ATF7IP: variants seen among roughly 807,000 people sequenced by gnomAD.
The protein encoded by ATF7IP is activating transcription factor 7 interacting protein.
ATF7IP carries 23 observed loss-of-function variants against 106.4 expected under a neutral mutation model. That is an observed-to-expected ratio of 0.22 (90% confidence interval 0.16 to 0.31). The LOEUF (loss-of-function observed/expected upper bound fraction) is 0.31, where lower values mean the gene tolerates loss of function less well. Ranked by LOEUF, ATF7IP falls within the 10% of genes least tolerant of loss-of-function variation. ATF7IP has a pLI of 1.00. For synonymous variants in ATF7IP, 542 were observed against 539.0 expected (o/e 1.01, Z -0.08); for missense variants, 1,334 against 1,524.3 (o/e 0.88, Z 2.08).
chr12:14,455,076 G>A (rs1344342601), intron 6 of ATF7IP, among the ~76,000 whole-genome samples: 1 of 151,864 alleles, frequency 6.6e-6, no homozygotes, highest in Non-Finnish European at 1.5e-5. Flanking sequence ...CTACTCAGAG[G>A]CTGAGGCAGG....
At chr12:14,490,795 C>G (rs1340416004) in intron 13 of ATF7IP, among the ~76,000 whole-genome samples, 1 of 152,136 alleles carries the variant, frequency 6.6e-6, no homozygotes, top group Non-Finnish European at 1.5e-5. Flanking sequence ...CGCACCTGCT[C>G]GAACCCAATC....
At chr12:14,380,880 A>C (rs913003524) in intron 1 of ATF7IP, among the ~76,000 whole-genome samples, 11 of 152,176 alleles carry the variant, frequency 7.2e-5, no homozygotes, top group Non-Finnish European at 1.5e-4. Flanking sequence ...TTGGCCTCCC[A>C]AAGTGCTGGG....
intron 2 of ATF7IP, among the ~76,000 whole-genome samples, chr12:14,433,529 A>T (rs991640485): frequency 1.1e-4 from 17 of 151,652 alleles, no homozygotes; most frequent in Non-Finnish European, 1.9e-4. Flanking sequence ...AATTAGCCGG[A>T]TGTAGTGGCG....
chr12:14,389,890 C>T (rs1463447610), intron 1 of ATF7IP, among the ~76,000 whole-genome samples: 1 of 152,216 alleles, frequency 6.6e-6, no homozygotes, highest in Non-Finnish European at 1.5e-5. Context: ...TCCCAAAGTG[C>T]TGGGATTACA....
chr12:14,473,525 T>C (rs1944140385), intron 10 of ATF7IP, among the ~76,000 whole-genome samples: 1 of 151,610 alleles, frequency 6.6e-6, no homozygotes, highest in African/African-American at 2.4e-5. Context: ...TCTAAATATA[T>C]TGTTTTTAAT....
intron 1 of ATF7IP, among the ~76,000 whole-genome samples, chr12:14,389,044 A>G (rs921360590): frequency 6.6e-6 from 1 of 152,232 alleles, no homozygotes; most frequent in Non-Finnish European, 1.5e-5. Flanking sequence ...ATGTTTCAGA[A>G]TAGTATCTTG....
At chr12:14,372,968 G>T (rs1368214787) in intron 1 of ATF7IP, among the ~76,000 whole-genome samples, 1 of 152,156 alleles carries the variant, frequency 6.6e-6, no homozygotes, top group East Asian at 1.9e-4. Context: ...AATTCTCAGT[G>T]ATAATGCCTA....
At chr12:14,476,200 T>C in intron 11 of ATF7IP, 2 of 382,962 alleles carry the variant, frequency 5.2e-6, no homozygotes, top group South Asian at 6.3e-5. Flanking sequence ...AGGCAAGAGG[T>C]CAGGAGTTTG....
At chr12:14,469,886 C>T (rs974981647) in intron 10 of ATF7IP, among the ~76,000 whole-genome samples, 10 of 152,192 alleles carry the variant, frequency 6.6e-5, no homozygotes, top group Non-Finnish European at 1.2e-4. Context: ...ACCTTAGAGA[C>T]ATGTGCCAAG....
At chr12:14,453,770 G>A (rs1238907969) in intron 6 of ATF7IP, among the ~76,000 whole-genome samples, 1 of 151,854 alleles carries the variant, frequency 6.6e-6, no homozygotes, top group East Asian at 1.9e-4. Flanking sequence ...GGTTACAGGT[G>A]CCCACCATCA....
rs370905234 is a variant in ATF7IP, at chr12:14,424,549, G to A, written c.634G>A (p.Gly212Ser). The A allele has an allele frequency of 6.8e-6, 11 of 1,614,056 alleles. No individual in the cohort carries two copies. Among genetic ancestry groups the A allele is most frequent in the Non-Finnish European group, 9.3e-6 (11 of 1,180,038 alleles). ...GDPTSSDPIP[G>S]EPVPVEPISG... ...TCCCACCTCTAGTGATCCCATCCCAGGTGAACCGGTCCCTGTTGAACCCAT... is the reference window on the plus strand; with the variant it reads ...TCCCACCTCTAGTGATCCCATCCCAAGTGAACCGGTCCCTGTTGAACCCAT... The change falls in exon 2 of 15, where the codon GGT becomes AGT. Residue 212 changes from glycine to serine, a missense_variant. Physicochemically the swap from Gly to Ser is moderately conservative, Grantham distance 56. This residue lies in a region of ATF7IP where 438 missense variants were observed against 405.3 expected (regional missense o/e 1.08). Transcript: ENST00000261168.
At chr12:14,389,690 C>T (rs1210419496) in intron 1 of ATF7IP, among the ~76,000 whole-genome samples, 2 of 152,058 alleles carry the variant, frequency 1.3e-5, no homozygotes, top group Non-Finnish European at 2.9e-5. Context: ...TGCAATGGCG[C>T]GATCTCGGCT....
intron 3 of ATF7IP, among the ~76,000 whole-genome samples, 171 bp downstream of exon 3, chr12:14,434,594 T>G (rs1942310632): frequency 6.6e-6 from 1 of 152,256 alleles, no homozygotes; most frequent in African/African-American, 2.4e-5. Flanking sequence ...AAAGTATGTT[T>G]CATACACTTC....
intron 1 of ATF7IP, among the ~76,000 whole-genome samples, chr12:14,387,702 C>T (rs1473839571): frequency 6.6e-6 from 1 of 152,102 alleles, no homozygotes; most frequent in African/African-American, 2.4e-5. Flanking sequence ...GAGATGATTG[C>T]TTTTGGGATT....
intron 1 of ATF7IP, among the ~76,000 whole-genome samples, chr12:14,396,576 T>C (rs1410438129): frequency 6.6e-6 from 1 of 152,006 alleles, no homozygotes; most frequent in Non-Finnish European, 1.5e-5. Context: ...GTGTTTGAGG[T>C]TGGATGAGGA....
At chr12:14,413,004 A>G (rs1018173950) in intron 1 of ATF7IP, among the ~76,000 whole-genome samples, 7 of 152,204 alleles carry the variant, frequency 4.6e-5, no homozygotes, top group African/African-American at 1.7e-4. Flanking sequence ...ACAGAGAGGG[A>G]CCATGTCTCA....
At chr12:14,442,127 T>C (rs115521015) in intron 5 of ATF7IP, among the ~76,000 whole-genome samples, 1,929 of 152,314 alleles carry the variant, frequency 0.013, 53 homozygotes, top group African/African-American at 0.044. Context: ...CAATTGATTT[T>C]TTCCTGGTAT....
intron 9 of ATF7IP, among the ~76,000 whole-genome samples, chr12:14,463,126 A>C (rs1013325797): frequency 1.3e-5 from 2 of 152,140 alleles, no homozygotes; most frequent in African/African-American, 4.8e-5. Flanking sequence ...ACCTAAACTG[A>C]AACCAAACTT....
intron 6 of ATF7IP, among the ~76,000 whole-genome samples, chr12:14,454,938 G>A (rs912090851): frequency 6.6e-6 from 1 of 152,074 alleles, no homozygotes; most frequent in Non-Finnish European, 1.5e-5. Context: ...CAGCACTTTG[G>A]GAGGCTGAGG....
Sources: allele counts gnomAD v4.1 joint callset (sites outside exome capture counted in the v4.1 genomes callset), GRCh38; gene constraint gnomAD v4.1.1; regional missense constraint gnomAD v4.1.1; transcripts MANE v1.5; gene names NCBI Gene and HGNC (gene_info 2026-07-23, HGNC 2026-07-21).